The following CPS1 variants were observed in gnomAD, a reference collection of about 807,000 sequenced individuals.
CPS1 encodes the protein carbamoyl-phosphate synthase [ammonia], mitochondrial.
Under a neutral mutation model 174.6 loss-of-function variants are expected in CPS1, and 109 were observed. The observed-to-expected ratio is 0.62, with a 90% CI of 0.53 to 0.73. The LOEUF (loss-of-function observed/expected upper bound fraction) is 0.73. CPS1 is among the 30% of genes least tolerant of loss of function. CPS1 has a pLI of 0.00. For synonymous variants in CPS1, 637 were observed against 632.0 expected, an observed-to-expected ratio of 1.01 and a Z score of -0.12; for missense variants, 1,689 against 1,821.9, an observed-to-expected ratio of 0.93 and a Z score of 1.33.
At chr2:210,503,623 G>C (rs1452565693) in intron 1 of CPS1, among the ~76,000 whole-genome samples, 6 of 152,024 alleles carry the variant, frequency 3.9e-5, no homozygotes, top group Admixed American at 6.6e-5. Context: ...ATCTTAGTTT[G>C]CCACCTTTGT....
chr2:210,641,670 T>G (rs993254436), intron 24 of CPS1, among the ~76,000 whole-genome samples: 3 of 152,238 alleles, frequency 2.0e-5, no homozygotes, highest in Non-Finnish European at 2.9e-5. Flanking sequence ...TACCTATTCA[T>G]GCAGTAATTC....
At chr2:210,649,262 C>T (rs184527556) in intron 27 of CPS1, among the ~76,000 whole-genome samples, 51 of 152,214 alleles carry the variant, frequency 3.4e-4, no homozygotes, top group Admixed American at 2.3e-3. Flanking sequence ...TTGTGTAAAC[C>T]ATAGTCTAAT....
intron 20 of CPS1, among the ~76,000 whole-genome samples, chr2:210,612,653 A>G (rs111973496): frequency 0.013 from 2,048 of 151,994 alleles, 24 homozygotes; most frequent in Non-Finnish European, 0.019. Context: ...TGTTCCTTGA[A>G]TGTGTAAAAT....
intron 21 of CPS1, among the ~76,000 whole-genome samples, chr2:210,630,254 T>G (rs1699827099): frequency 6.6e-6 from 1 of 152,132 alleles, no homozygotes; most frequent in Admixed American, 6.5e-5. Flanking sequence ...TTTACCAGAT[T>G]AAGAGTAATA....
chr2:210,537,567 G>A (rs745485956), intron 1 of CPS1, among the ~76,000 whole-genome samples: 2 of 152,218 alleles, frequency 1.3e-5, no homozygotes, highest in Non-Finnish European at 2.9e-5. Flanking sequence ...TTCAAGTGCT[G>A]TTTAATTGCA....
intron 1 of CPS1, among the ~76,000 whole-genome samples, chr2:210,482,670 GA>G (rs1694604342): frequency 1.2e-5 from 1 of 80,818 alleles, no homozygotes; most frequent in African/African-American, 5.8e-5. Flanking sequence ...GAGAGAGAGA[GA>G]GAGAAAGAGA....
At chr2:210,493,353 G>T (rs1416021461) in intron 1 of CPS1, among the ~76,000 whole-genome samples, 1 of 152,154 alleles carries the variant, frequency 6.6e-6, no homozygotes, top group Admixed American at 6.5e-5. Flanking sequence ...AACACAGTCT[G>T]GGTGTCCCAA....
chr2:210,524,258 A>G (rs943076092), intron 1 of CPS1, among the ~76,000 whole-genome samples: 4 of 151,964 alleles, frequency 2.6e-5, no homozygotes, highest in African/African-American at 7.2e-5. Context: ...ACTTTTATAA[A>G]CATTTAATGA....
intron 1 of CPS1, among the ~76,000 whole-genome samples, chr2:210,540,073 C>G (rs1422905323): frequency 6.6e-6 from 1 of 152,138 alleles, no homozygotes; most frequent in Admixed American, 6.5e-5. Context: ...TACCACTTCA[C>G]CAGATGTGAA....
intron 36 of CPS1, 151 bp downstream of exon 36, chr2:210,675,991 A>G (rs1396456480): frequency 8.8e-6 from 6 of 682,218 alleles, no homozygotes; most frequent in Non-Finnish European, 1.6e-5. Context: ...TTCACTCTCC[A>G]TCACTATGGA....
intron 1 of CPS1, among the ~76,000 whole-genome samples, chr2:210,524,822 A>G (rs1438826628): frequency 6.6e-6 from 1 of 151,806 alleles, no homozygotes; most frequent in Non-Finnish European, 1.5e-5. Context: ...CCAAGGCTTT[A>G]TTTTTTGGCT....
chr2:210,658,139 G>A, intron 30 of CPS1: 1 of 201,214 alleles, frequency 5.0e-6, no homozygotes, highest in Non-Finnish European at 1.0e-5. Flanking sequence ...TAACCTTGTA[G>A]AGTCCAGGGC....
intron 1 of CPS1, among the ~76,000 whole-genome samples, chr2:210,482,571 A>G (rs1450190308): frequency 2.0e-5 from 3 of 152,046 alleles, no homozygotes; most frequent in Non-Finnish European, 4.4e-5. Flanking sequence ...TACTGGAATT[A>G]CAGATGTGAG....
intron 1 of CPS1, 66 bp from the exon 2 acceptor site, chr2:210,573,232 C>G (rs1333661590): frequency 7.4e-7 from 1 of 1,347,706 alleles, no homozygotes; most frequent in East Asian, 2.3e-5. Flanking sequence ...TGTATTTTAC[C>G]TTTGGAATAT....
At position 210,592,924 on chromosome 2, in the gene CPS1, C is replaced by G. The variant is rs1482505654; in HGVS notation, c.1132C>G (p.Pro378Ala). 1.2e-6 allele frequency: 2 copies of G among 1,612,372 alleles called. No homozygotes were observed. Among genetic ancestry groups the G allele is most frequent in the Non-Finnish European group, 1.7e-6 (2 of 1,178,998 alleles). The change falls in exon 11 of 38, where the codon CCA becomes GCA. Residue 378 changes from proline to alanine, a missense_variant. Pro to Ala is a conservative substitution (Grantham distance 27, BLOSUM62 -1). Transcript: ENST00000233072. ...SKPFFAVQFH[P>A]EVTPGPIDTE... is the part of the protein sequence containing the mutation. ...ACCCTTCTTCGCTGTGCAGTTCCAC[C>G]CAGAGGTCACCCCGGGGCCAATAGA... is the stretch of plus-strand genomic sequence containing the variant.
At chr2:210,540,639 T>C (rs1339781558) in intron 1 of CPS1, among the ~76,000 whole-genome samples, 1 of 152,164 alleles carries the variant, frequency 6.6e-6, no homozygotes, top group Non-Finnish European at 1.5e-5. Context: ...CAAACCTCCA[T>C]AGTAGGTGTA....
At chr2:210,512,808 GGA>G (rs1297537241) in intron 1 of CPS1, among the ~76,000 whole-genome samples, 11 of 83,790 alleles carry the variant, frequency 1.3e-4, no homozygotes, top group African/African-American at 4.5e-4. Flanking sequence ...ATATATATAT[GGA>G]GAGAGAGAGA....
At chr2:210,484,392 G>A (rs561697865) in intron 1 of CPS1, among the ~76,000 whole-genome samples, 45 of 152,270 alleles carry the variant, frequency 3.0e-4, no homozygotes, top group African/African-American at 1.1e-3. Flanking sequence ...GACATGACAA[G>A]GAGCTTACAC....
chr2:210,583,599 C>G (rs1698002320), intron 6 of CPS1, among the ~76,000 whole-genome samples: 1 of 152,082 alleles, frequency 6.6e-6, no homozygotes, highest in South Asian at 2.1e-4. Context: ...GAAGGAATGG[C>G]TTGCCAAGAG....
Sources: allele counts gnomAD v4.1 joint callset (sites outside exome capture counted in the v4.1 genomes callset), GRCh38; gene constraint gnomAD v4.1.1; transcripts MANE v1.5; gene names NCBI Gene and HGNC (gene_info 2026-07-23, HGNC 2026-07-21).